RBFOX3: variants seen among roughly 807,000 people sequenced by gnomAD.
RBFOX3 encodes the protein RNA binding fox-1 homolog 3.
RBFOX3 carries 17 observed loss-of-function variants against 48.7 expected under a neutral mutation model. The observed-to-expected ratio is 0.35, with a 90% confidence interval of 0.24 to 0.52. RBFOX3 has a LOEUF of 0.52. Ranked by LOEUF, RBFOX3 falls within the 20% of genes least tolerant of loss-of-function variation. RBFOX3 has a pLI of 0.94. For synonymous variants in RBFOX3, 212 were observed against 209.5 expected, an observed-to-expected ratio of 1.01 and a Z score of -0.10; for missense variants, 382 against 497.5, an observed-to-expected ratio of 0.77 and a Z score of 2.21.
At chr17:79,538,581 T>G (rs2089219784) in intron 1 of RBFOX3, among the ~76,000 whole-genome samples, 1 of 152,204 alleles carries the variant, frequency 6.6e-6, no homozygotes. Flanking sequence ...GGGTGGGCTT[T>G]GAGAATCATC....
intron 1 of RBFOX3, among the ~76,000 whole-genome samples, chr17:79,554,738 A>G (rs898421572): frequency 1.1e-4 from 17 of 152,254 alleles, no homozygotes; most frequent in African/African-American, 3.9e-4. Flanking sequence ...TTGATGTAAT[A>G]TACAATCATT....
At chr17:79,664,158 C>T in the RBFOX3 span, among the ~76,000 whole-genome samples, 2 of 145,102 alleles carry the variant, frequency 1.4e-5, no homozygotes, top group African/African-American at 5.0e-5. Flanking sequence ...TAAAACACAA[C>T]GTTAAATTTA....
At chr17:79,221,493 C>G (rs1273115404) in intron 4 of RBFOX3, among the ~76,000 whole-genome samples, 1 of 152,238 alleles carries the variant, frequency 6.6e-6, no homozygotes, top group African/African-American at 2.4e-5. Context: ...GCCTCTTGTC[C>G]CCCTTGGGCC....
intron 3 of RBFOX3, among the ~76,000 whole-genome samples, chr17:79,279,478 C>T (rs1444454105): frequency 6.6e-6 from 1 of 152,142 alleles, no homozygotes; most frequent in African/African-American, 2.4e-5. Context: ...TGGCCCGGCC[C>T]GGCACGGTAC....
chr17:79,579,497 G>A (rs1020479585), intron 1 of RBFOX3, among the ~76,000 whole-genome samples: 22 of 152,302 alleles, frequency 1.4e-4, no homozygotes, highest in African/African-American at 5.3e-4. Flanking sequence ...ACCTGCTCGG[G>A]GCAGGGCAGA....
At position 79,137,481 on chromosome 17, in the gene RBFOX3, A is replaced by G. The variant is rs552106943; in HGVS notation, c.-33-21733T>C. ...CGCCTTACCCGACCCCTCCACACAC[A>G]CGCGCCTGCAGTGATCGTGCACGCA... On this transcript the variant is annotated intron_variant, in intron 4 of 14. Coordinates refer to ENST00000693108, the MANE Select transcript of RBFOX3 (RefSeq NM_001350451.2). Among the ~76,000 whole-genome samples, 4 of 152,166 alleles carry G rather than the reference A, an allele frequency of 2.6e-5. No homozygotes were observed. The East Asian group carries it at 7.7e-4, about 29-fold the overall frequency.
At chr17:79,228,817 C>T (rs891596839) in intron 4 of RBFOX3, among the ~76,000 whole-genome samples, 3 of 152,174 alleles carry the variant, frequency 2.0e-5, no homozygotes, top group East Asian at 3.9e-4. Flanking sequence ...AACACGTGTG[C>T]GCATACCAAG....
intron 2 of RBFOX3, among the ~76,000 whole-genome samples, chr17:79,347,471 T>C (rs987884471): frequency 5.9e-5 from 9 of 152,232 alleles, no homozygotes; most frequent in Admixed American, 5.9e-4. Flanking sequence ...GTAGGACTTC[T>C]ATGATCCACA....
intron 13 of RBFOX3, 37 bp from the exon 14 acceptor site, chr17:79,094,566 TGGGGGAGGGG>T: frequency 4.9e-5 from 1 of 20,246 alleles, no homozygotes. Flanking sequence ...GGGAGGAGGG[TGGGGGAGGGG>T]GGCAGGTGAG....
At chr17:79,230,403 T>G (rs958380027) in intron 4 of RBFOX3, among the ~76,000 whole-genome samples, 4 of 152,000 alleles carry the variant, frequency 2.6e-5, no homozygotes, top group East Asian at 1.9e-4. Flanking sequence ...GGGACTACAG[T>G]CACCCGCCAC....
intron 4 of RBFOX3, among the ~76,000 whole-genome samples, chr17:79,209,642 C>T (rs1025351955): frequency 4.6e-5 from 7 of 152,120 alleles, no homozygotes; most frequent in East Asian, 3.9e-4. Flanking sequence ...ATAAGCAGGA[C>T]GAGGTTGCCT....
At chr17:79,455,258 C>T (rs1598766773) in intron 2 of RBFOX3, among the ~76,000 whole-genome samples, 1 of 152,170 alleles carries the variant, frequency 6.6e-6, no homozygotes, top group South Asian at 2.1e-4. Flanking sequence ...CGCAGGCTAC[C>T]GTGACGGGGG....
intron 2 of RBFOX3, among the ~76,000 whole-genome samples, chr17:79,425,283 CCTCT>C (rs2067154681): frequency 6.6e-6 from 1 of 152,196 alleles, no homozygotes; most frequent in African/African-American, 2.4e-5. Context: ...GCCTCAGCTC[CCTCT>C]GAGTGCCCTG....
At chr17:79,187,340 G>A (rs981257987) in intron 4 of RBFOX3, among the ~76,000 whole-genome samples, 3 of 152,232 alleles carry the variant, frequency 2.0e-5, no homozygotes, top group Admixed American at 2.0e-4. Flanking sequence ...ACCATCCTCA[G>A]GCTTCCCCTG....
chr17:79,122,072 T>C (rs899275809), intron 4 of RBFOX3, among the ~76,000 whole-genome samples: 6 of 151,740 alleles, frequency 4.0e-5, no homozygotes, highest in African/African-American at 1.5e-4. Flanking sequence ...GTCCAGCACA[T>C]AGTCCTAATC....
At chr17:79,409,461 A>G (rs548867380) in intron 2 of RBFOX3, among the ~76,000 whole-genome samples, 17 of 152,222 alleles carry the variant, frequency 1.1e-4, no homozygotes, top group Non-Finnish European at 1.9e-4. Flanking sequence ...TACATCCAAC[A>G]ATGCACAAGG....
At chr17:79,325,797 C>T (rs74002917) in intron 2 of RBFOX3, among the ~76,000 whole-genome samples, 17,329 of 152,194 alleles carry the variant, frequency 0.11, 1,025 homozygotes, top group Non-Finnish European at 0.14. Flanking sequence ...TCATTCCTGA[C>T]GGCTGGACTG....
At chr17:79,337,669 G>C (rs2146545244) in intron 2 of RBFOX3, among the ~76,000 whole-genome samples, 1 of 152,224 alleles carries the variant, frequency 6.6e-6, no homozygotes, top group East Asian at 1.9e-4. Context: ...CCAGCTCCTT[G>C]GGAGGCTGAG....
chr17:79,144,274 G>A (rs988461835), intron 4 of RBFOX3, among the ~76,000 whole-genome samples: 3 of 152,244 alleles, frequency 2.0e-5, no homozygotes, highest in Admixed American at 2.0e-4. Flanking sequence ...CTGAAGAATT[G>A]TCCCGCTCTA....
Sources: allele counts gnomAD v4.1 joint callset (sites outside exome capture counted in the v4.1 genomes callset), GRCh38; gene constraint gnomAD v4.1.1; transcripts MANE v1.5; gene names NCBI Gene and HGNC (gene_info 2026-07-23, HGNC 2026-07-21).